The following PRDM9 variants were observed in gnomAD, a reference collection of about 807,000 sequenced individuals.
The protein encoded by PRDM9 is histone-lysine N-methyltransferase PRDM9.
In PRDM9, 47 loss-of-function variants were observed where a neutral mutation model predicts 55.6. The ratio of observed to expected loss-of-function variants is 0.85; its 90% CI spans 0.67 to 1.08. PRDM9 has a LOEUF of 1.08. Among genes scored for constraint, PRDM9 ranks in the 50% least tolerant of loss-of-function variants. The probability of loss-of-function intolerance (pLI) is 0.00; values close to 1 mark genes in which losing one functional copy is unlikely to be tolerated. For synonymous variants in PRDM9, 312 were observed against 375.7 expected (o/e 0.83, Z 1.96); for missense variants, 867 against 1,040.3 (o/e 0.83, Z 2.29).
At position 23,509,959 on chromosome 5, in the gene PRDM9, G is replaced by A; in HGVS notation, c.233G>A (p.Arg78Lys). ...CGACCAGCTTTCATGTGTCACCGAA[G>A]GCAGGCCATCAAACTCCAGGTGGAT... ...ATRPAFMCHRRQAIKLQVDDT... is the reference protein window; with the variant it reads ...ATRPAFMCHRKQAIKLQVDDT... Residue 78 changes from arginine to lysine, a missense_variant, in exon 4 of 11, where the codon AGG becomes AAG. Arg to Lys is a conservative substitution (Grantham distance 26). Transcript: ENST00000296682. The A allele has an allele frequency of 6.2e-7, 1 of 1,613,862 alleles. No individual in the cohort carries two copies.
In PRDM9 at chr5:23,527,488, G is replaced by A; in HGVS notation, c.2400G>A (p.Gly800=). 1 of 1,582,426 alleles carries A rather than the reference G, an allele frequency of 6.3e-7. No homozygotes were observed. The change falls in exon 11 of 11, where the codon GGG becomes GGA. Residue 800 remains glycine, a synonymous_variant. Transcript: ENST00000296682. The part of the protein sequence containing the change: ...NLLSHQRTHT[G]EKPYVCRECG... Reference sequence around the variant, plus strand: ...TCAGTCACCAGAGGACACACACAGGGGAGAAGCCCTATGTCTGCAGGGAGT... The same window carrying A: ...TCAGTCACCAGAGGACACACACAGGAGAGAAGCCCTATGTCTGCAGGGAGT...
intron 4 of PRDM9, among the ~76,000 whole-genome samples, chr5:23,511,972 TTC>T (rs1182595339): frequency 4.6e-5 from 7 of 151,818 alleles, no homozygotes; most frequent in Middle Eastern, 3.4e-3. Flanking sequence ...AAATTTGTCA[TTC>T]TTTTTTTTTT....
At position 23,517,933 on chromosome 5, in the gene PRDM9, A is replaced by G. The variant is rs374616149; in HGVS notation, c.351+3A>G. 1.6e-5 allele frequency: 26 copies of G among 1,589,936 alleles called. 1 individual carries two copies. The African/African-American group carries it at 3.4e-4, about 21-fold the overall frequency. On this transcript the variant is annotated splice_donor_region_variant and intron_variant, in intron 5 of 10. Transcript: ENST00000296682. The stretch of plus-strand genomic sequence containing the variant: ...TGGAACAGCGTAAACACCAGAAGGT[A>G]AGTATTTCCCAAATCCTATTGACAA...
Position 23,509,507 on chromosome 5 carries a change from C to T in PRDM9, c.107C>T (p.Thr36Ile), listed in dbSNP as rs2126405745. The change falls in exon 3 of 11, where the codon ACC becomes ATC. Residue 36 changes from threonine to isoleucine, a missense_variant. Transcript: ENST00000296682. ...DAFKDISIYF[T>I]KEEWAEMGDW... ...TTCAAAGACATTTCCATATACTTCA[C>T]CAAGGAAGAATGGGCAGAGATGGGA... 6.2e-7 allele frequency: 1 copy of T among 1,614,096 alleles called. No individual in the cohort carries two copies. The highest frequency in any genetic ancestry group is 8.5e-7 in the Non-Finnish European group (1 of 1,180,024).
chr5:23,515,641 T>C (rs1739195844), intron 4 of PRDM9, among the ~76,000 whole-genome samples: 2 of 152,228 alleles, frequency 1.3e-5, no homozygotes, highest in African/African-American at 2.4e-5. Context: ...GGTTCTGTAC[T>C]TATAGGTTTT....
chr5:23,518,461 T>C (rs983593526), intron 5 of PRDM9, among the ~76,000 whole-genome samples: 4 of 152,214 alleles, frequency 2.6e-5, no homozygotes, highest in Non-Finnish European at 4.4e-5. Flanking sequence ...TTCTCTGTTA[T>C]GGTAAAGTGA....
At position 23,526,797 on chromosome 5, in the gene PRDM9, A is replaced by G; in HGVS notation, c.1709A>G (p.His570Arg). ...AGCTGGAAGTCACACCTCCTCATTCACCAGAGGATACACACAGGGGAGAAG... is the reference window on the plus strand; with the variant it reads ...AGCTGGAAGTCACACCTCCTCATTCGCCAGAGGATACACACAGGGGAGAAG... The part of the protein sequence containing the change: ...GFSWKSHLLI[H>R]QRIHTGEKPY... Residue 570 changes from histidine (H) to arginine (R), a missense_variant, in exon 11 of 11, where the codon CAC becomes CGC. Physicochemically the swap from His to Arg is conservative, Grantham distance 29. Around this residue, in one of 5 missense-constraint regions of PRDM9, gnomAD observed 662 missense variants for 711.9 expected, o/e 0.93. Transcript: ENST00000296682. 1 of 1,587,436 alleles carries G rather than the reference A, an allele frequency of 6.3e-7. No homozygotes were observed. The highest frequency in any genetic ancestry group is 1.1e-5 in the South Asian group (1 of 88,454).
intron 2 of PRDM9, 97 bp downstream of exon 2, chr5:23,509,199 A>T (rs1739040286): frequency 6.6e-7 from 1 of 1,518,384 alleles, no homozygotes. Flanking sequence ...CCCTATCTGA[A>T]TGTGCATGGA....
chr5:23,509,358 T>C, intron 2 of PRDM9, 112 bp from the exon 3 acceptor site: 2 of 1,564,594 alleles, frequency 1.3e-6, no homozygotes, highest in Non-Finnish European at 1.8e-6. Context: ...GATCTTTATG[T>C]TTCACAGAGA....
intron 8 of PRDM9, 88 bp downstream of exon 8, chr5:23,522,973 A>G: frequency 4.4e-6 from 7 of 1,597,502 alleles, no homozygotes; most frequent in Middle Eastern, 1.7e-4. Flanking sequence ...ATGTTAGTAT[A>G]TAGGTAAGGA....
At chr5:23,519,009 A>G (rs760116814) in intron 5 of PRDM9, among the ~76,000 whole-genome samples, 8 of 152,160 alleles carry the variant, frequency 5.3e-5, no homozygotes, top group African/African-American at 9.7e-5. Flanking sequence ...TCAACTGTAG[A>G]GATGTTATCA....
chr5:23,509,375 G>A, intron 2 of PRDM9, 95 bp from the exon 3 acceptor site: 1 of 1,594,324 alleles, frequency 6.3e-7, no homozygotes, highest in Non-Finnish European at 8.6e-7. Flanking sequence ...GAGACTCCCA[G>A]AGGCCCCAGG....
At chr5:23,523,185 C>A in intron 8 of PRDM9, 106 bp from the exon 9 acceptor site, 1 of 1,335,658 alleles carries the variant, frequency 7.5e-7, no homozygotes, top group Non-Finnish European at 1.1e-6. Context: ...TCTCAATTGG[C>A]AGCTGAAGCT....
At chr5:23,512,492 T>G (rs1739118394) in intron 4 of PRDM9, among the ~76,000 whole-genome samples, 1 of 152,202 alleles carries the variant, frequency 6.6e-6, no homozygotes, top group Admixed American at 6.5e-5. Flanking sequence ...GGCCAGTGTT[T>G]GCTTTTCTGC....
At chr5:23,510,954 T>A (rs1739083237) in intron 4 of PRDM9, among the ~76,000 whole-genome samples, 1 of 150,138 alleles carries the variant, frequency 6.7e-6, no homozygotes, top group Non-Finnish European at 1.5e-5. Flanking sequence ...GAGACAAGCC[T>A]GGCCAACATG....
Position 23,509,595 on chromosome 5 carries a change from T to C in PRDM9, c.193+2T>C. 1 of 1,614,154 alleles carries C rather than the reference T, an allele frequency of 6.2e-7. No individual in the cohort carries two copies. The highest frequency in any genetic ancestry group is 1.7e-5 in the Admixed American group (1 of 60,028). ...ACTATAATGCACTGATTACTATAGGTAACAGGAAGTGCTGGGCACAGACCA... is the reference window on the plus strand; with the variant it reads ...ACTATAATGCACTGATTACTATAGGCAACAGGAAGTGCTGGGCACAGACCA... On this transcript the variant is annotated splice_donor_variant, in intron 3 of 10. Transcript: ENST00000296682. LOFTEE classifies it high-confidence loss of function.
rs199546146 is a variant in PRDM9, at chr5:23,526,879, T to A, written c.1791T>A (p.Thr597=). ...TTAGCTGGCAGTCAGTCCTCCTCAC[T>A]CACCAGAGGACACACACAGGGGAGA... The part of the protein sequence containing the change: ...RGFSWQSVLL[T]HQRTHTGEKP... The change falls in exon 11 of 11, where the codon ACT becomes ACA. Residue 597 remains threonine, a synonymous_variant. Coordinates refer to ENST00000296682, the MANE Select transcript of PRDM9 (RefSeq NM_020227.4). 7 of 1,570,776 alleles carry A rather than the reference T, an allele frequency of 4.5e-6. No individual in the cohort carries two copies. In the African/African-American group the frequency reaches 9.6e-5, roughly 22 times the overall value.
intron 5 of PRDM9, 97 bp from the exon 6 acceptor site, chr5:23,520,926 A>G (rs1302390814): frequency 2.0e-5 from 28 of 1,397,186 alleles, no homozygotes; most frequent in African/African-American, 2.8e-5. Context: ...TCAAGGTTTG[A>G]ACATTAACTA....
At chr5:23,524,636 G>T in intron 10 of PRDM9, 109 bp downstream of exon 10, 2 of 1,500,564 alleles carry the variant, frequency 1.3e-6, no homozygotes, top group African/African-American at 1.4e-5. Context: ...AAGTCAGTAA[G>T]ATTTCAAATC....
Sources: allele counts gnomAD v4.1 joint callset (sites outside exome capture counted in the v4.1 genomes callset), GRCh38; gene constraint gnomAD v4.1.1; regional missense constraint gnomAD v4.1.1; transcripts MANE v1.5; gene names NCBI Gene and HGNC (gene_info 2026-07-23, HGNC 2026-07-21).